The following ATG3 variants were observed in gnomAD, a reference collection of about 807,000 sequenced individuals.
ATG3 encodes autophagy related 3.
Under a neutral mutation model 50.7 loss-of-function variants are expected in ATG3, and 25 were observed. The observed-to-expected ratio is 0.49, with a 90% CI of 0.36 to 0.69. The LOEUF is 0.69. Ranked by LOEUF, ATG3 falls within the 30% of genes least tolerant of loss-of-function variation. ATG3 has a pLI of 0.00. For synonymous variants in ATG3, 119 were observed against 125.5 expected, an observed-to-expected ratio of 0.95 and a Z score of 0.34; for missense variants, 281 against 376.0, an observed-to-expected ratio of 0.75 and a Z score of 2.09.
chr3:112,558,163 G>C (rs983797972), intron 2 of ATG3: 2 of 533,248 alleles, frequency 3.8e-6, no homozygotes, highest in Non-Finnish European at 6.7e-6. Context: ...TAAATAAAGA[G>C]GAACTACAGA....
rs1559842840 is a variant in ATG3 at position 112,538,079 on chromosome 3, T to G, written c.510+67A>C. ...ATGTCTTTGAAAGATCAATATATTA[T>G]TAGTAAGAACATGCATCCCCAAGTT... On this transcript the variant is annotated intron_variant, in intron 8 of 11. Coordinates refer to ENST00000283290, the MANE Select transcript of ATG3 (RefSeq NM_022488.5). The G allele has an allele frequency of 2.3e-6, 3 of 1,302,270 alleles. No individual in the cohort carries two copies. In the East Asian group the frequency reaches 7.2e-5, roughly 31 times the overall value. The allele number at this position is 1,302,270 out of a possible 1,614,324, so 80.7% of individuals were successfully genotyped here.
intron 3 of ATG3, among the ~76,000 whole-genome samples, 165 bp from the exon 4 acceptor site, chr3:112,550,427 C>A (rs951537642): frequency 6.6e-6 from 1 of 152,072 alleles, no homozygotes; most frequent in African/African-American, 2.4e-5. Context: ...CATGTCAGGG[C>A]ATGGAGAAAA....
chr3:112,561,674 C>A lies in ATG3; in HGVS notation c.-146G>T. On this transcript the variant is annotated 5_prime_UTR_variant, in exon 1 of 12. Coordinates refer to ENST00000283290, the MANE Select transcript of ATG3 (RefSeq NM_022488.5). ...CCCGAGGGGACGGGACGCGACGCGA[C>A]GGGACGGGCGGGACGAGGGGGCGGG... 1.4e-6 allele frequency: 1 copy of A among 722,252 alleles called. No individual in the cohort carries two copies. The highest frequency in any genetic ancestry group is 1.8e-5 in the South Asian group (1 of 54,488). The allele number at this position is 722,252 out of a possible 1,614,324, so 44.7% of individuals were successfully genotyped here.
At chr3:112,542,371 C>A (rs1425351169) in intron 6 of ATG3, among the ~76,000 whole-genome samples, 2 of 152,040 alleles carry the variant, frequency 1.3e-5, no homozygotes, top group Non-Finnish European at 2.9e-5. Flanking sequence ...TTAAAATGCA[C>A]AAGATATCAG....
At chr3:112,556,483 T>G (rs1323789087) in intron 2 of ATG3, among the ~76,000 whole-genome samples, 166 of 149,550 alleles carry the variant, frequency 1.1e-3, no homozygotes, top group African/African-American at 3.9e-3. Flanking sequence ...TACTGGGAAG[T>G]GAGGAGCCCC....
intron 11 of ATG3, chr3:112,533,642 A>G (rs1195970462): frequency 2.0e-6 from 2 of 985,170 alleles, no homozygotes; most frequent in African/African-American, 3.5e-5. Context: ...CTGGCATGTA[A>G]ATCATTGATT....
chr3:112,541,718 A>G, intron 7 of ATG3, 85 bp downstream of exon 7: 1 of 1,204,118 alleles, frequency 8.3e-7, no homozygotes, highest in Non-Finnish European at 1.2e-6. Flanking sequence ...CTTACAACTC[A>G]ATGAAGAATT....
At chr3:112,540,651 G>A (rs530881514) in intron 7 of ATG3, among the ~76,000 whole-genome samples, 5 of 151,152 alleles carry the variant, frequency 3.3e-5, no homozygotes, top group Admixed American at 6.6e-5. Flanking sequence ...AGAAACCCAC[G>A]GAACAGTAAC....
intron 11 of ATG3, chr3:112,532,992 T>C: frequency 8.4e-7 from 1 of 1,190,324 alleles, no homozygotes; most frequent in Non-Finnish European, 1.0e-6. Flanking sequence ...GATTATTGAA[T>C]TTGAAACTTC....
In ATG3 at chr3:112,534,299, G is replaced by A. The variant is rs749361079; in HGVS notation, c.833C>T (p.Ala278Val). The change falls in exon 11 of 12, where the codon GCA becomes GTA. Residue 278 changes from alanine (A) to valine (V), a missense_variant. Physicochemically the swap from Ala to Val is moderately conservative, Grantham distance 64. Coordinates refer to ENST00000283290, the MANE Select transcript of ATG3 (RefSeq NM_022488.5). ...EVMKKIIETV[A>V]EGGGELGVHM... The stretch of plus-strand genomic sequence containing the variant: ...AACTCCAAGTTCTCCCCCTCCTTCT[G>A]CAACAGTCTCAATGATTTTCTTCAT... 6.3e-6 allele frequency: 10 copies of A among 1,592,436 alleles called. No homozygotes were observed. The highest frequency in any genetic ancestry group is 8.5e-6 in the Non-Finnish European group (10 of 1,170,830).
intron 2 of ATG3, among the ~76,000 whole-genome samples, chr3:112,553,893 C>G (rs1470212302): frequency 2.0e-5 from 3 of 151,994 alleles, no homozygotes; most frequent in African/African-American, 7.3e-5. Flanking sequence ...AATGCAGTGC[C>G]AAAACAATGG....
At chr3:112,548,982 C>T (rs1933450910) in intron 4 of ATG3, among the ~76,000 whole-genome samples, 1 of 152,140 alleles carries the variant, frequency 6.6e-6, no homozygotes, top group Admixed American at 6.5e-5. Context: ...ATAATAATAC[C>T]TTATTTTAAT....
At chr3:112,550,687 G>A (rs1933504121) in intron 3 of ATG3, among the ~76,000 whole-genome samples, 1 of 152,162 alleles carries the variant, frequency 6.6e-6, no homozygotes, top group Non-Finnish European at 1.5e-5. Context: ...AAAGCTGCAT[G>A]ACATTATGTA....
In ATG3 at chr3:112,541,900, T is replaced by C. The variant is rs1021027742; in HGVS notation, c.394-16A>G. On this transcript the variant is annotated splice_polypyrimidine_tract_variant and intron_variant, in intron 6 of 11. Coordinates refer to ENST00000283290, the MANE Select transcript of ATG3 (RefSeq NM_022488.5). ...TTATATTGTCCTTTGAAATTAATTATATTTAAAATCACTTAAGTATATACA... is the reference window on the plus strand; with the variant it reads ...TTATATTGTCCTTTGAAATTAATTACATTTAAAATCACTTAAGTATATACA... 1.3e-6 allele frequency: 2 copies of C among 1,589,376 alleles called. No homozygotes were observed. The highest frequency in any genetic ancestry group is 1.7e-4 in the Middle Eastern group (1 of 6,016).
intron 11 of ATG3, chr3:112,533,963 T>C (rs569327961): frequency 8.9e-7 from 1 of 1,125,906 alleles, no homozygotes; most frequent in East Asian, 4.6e-5. Flanking sequence ...AGTACATTTT[T>C]GGTAACATGT....
chr3:112,561,856 CTG>C lies in ATG3; in HGVS notation c.-330_-329del. On this transcript the variant is annotated 5_prime_UTR_variant, in exon 1 of 12. Transcript: ENST00000283290. ...CGGACGCACACGCACCCCTCGCCCT[CTG>C]CGAGCTGTCTGTCCTCGCTTTGCTT... 2.8e-6 allele frequency: 1 copy of C among 352,508 alleles called. No homozygotes were observed. Among genetic ancestry groups the C allele is most frequent in the Non-Finnish European group, 5.2e-6 (1 of 193,062 alleles). The allele number at this position is 352,508 out of a possible 1,614,324, so 21.8% of individuals were successfully genotyped here.
At chr3:112,544,619 A>G (rs2107376673) in intron 5 of ATG3, among the ~76,000 whole-genome samples, 1 of 133,196 alleles carries the variant, frequency 7.5e-6, no homozygotes, top group East Asian at 2.4e-4. Context: ...GCACCATTGC[A>G]CTCCAGCCTG....
chr3:112,537,698 A>G (rs771603139), intron 9 of ATG3, 37 bp downstream of exon 9: 3 of 1,447,378 alleles, frequency 2.1e-6, no homozygotes, highest in Non-Finnish European at 2.8e-6. Flanking sequence ...AACAATTTAA[A>G]ATATTGATAT....
At chr3:112,555,413 A>G (rs1482554834) in intron 2 of ATG3, among the ~76,000 whole-genome samples, 1 of 152,216 alleles carries the variant, frequency 6.6e-6, no homozygotes, top group Non-Finnish European at 1.5e-5. Context: ...AATACTGACC[A>G]ACTCCAACAA....
Sources: gnomAD v4.1 joint callset for allele counts (sites outside exome capture counted in the v4.1 genomes callset) on GRCh38, gnomAD v4.1.1 for gene constraint, MANE v1.5 for transcripts, NCBI Gene and HGNC (gene_info 2026-07-23, HGNC 2026-07-21) for gene names.